Variants in BCAT1 observed in about 807,000 individuals in gnomAD.
BCAT1 encodes the protein branched chain amino acid transaminase 1, also known as branched-chain-amino-acid aminotransferase, cytosolic.
A neutral mutation model predicts 52.4 loss-of-function variants in BCAT1; 48 were observed. That is an observed-to-expected ratio of 0.92 (90% CI 0.73 to 1.16). The LOEUF (loss-of-function observed/expected upper bound fraction) is 1.16, where lower values mean the gene tolerates loss of function less well. BCAT1 is among the 50% of genes most tolerant of loss of function. BCAT1 has a pLI of 0.00. For missense variants in BCAT1, 451 were observed against 457.1 expected, an observed-to-expected ratio of 0.99 and a Z score of 0.12; for synonymous variants, 167 against 161.3, an observed-to-expected ratio of 1.04 and a Z score of -0.27.
At chr12:24,885,996 A>C (rs552422004) in intron 3 of BCAT1, among the ~76,000 whole-genome samples, 1 of 152,394 alleles carries the variant, frequency 6.6e-6, no homozygotes, top group East Asian at 1.9e-4. Context: ...GCAGATTGAC[A>C]AAACTGCCTT....
chr12:24,936,734 CACACACATACACACACACAT>C, intron 1 of BCAT1, among the ~76,000 whole-genome samples: 1 of 151,222 alleles, frequency 6.6e-6, no homozygotes, highest in Non-Finnish European at 1.5e-5. Flanking sequence ...CACACACACA[CACACACATACACACACACAT>C]ACACACACAC....
chr12:24,926,828 C>A (rs912102829), intron 1 of BCAT1, among the ~76,000 whole-genome samples: 10 of 151,828 alleles, frequency 6.6e-5, no homozygotes, highest in African/African-American at 2.2e-4. Context: ...TGCGGAAGGC[C>A]GCAGGGTCCT....
At position 24,816,932 on chromosome 12, in the gene BCAT1, T is replaced by A. The variant is rs1469987161; in HGVS notation, c.*1076A>T. ...CAAGAGGTGGAGTTCAGGTGGTAATTCGAGTGATGGGAAGTAGCCATAAAT... is the reference window on the plus strand; with the variant it reads ...CAAGAGGTGGAGTTCAGGTGGTAATACGAGTGATGGGAAGTAGCCATAAAT... On this transcript the variant is annotated 3_prime_UTR_variant, in exon 11 of 11. Coordinates refer to ENST00000261192, the MANE Select transcript of BCAT1 (RefSeq NM_005504.7). 1 of 215,460 alleles carries A rather than the reference T, an allele frequency of 4.6e-6. No individual in the cohort carries two copies. The highest frequency in any genetic ancestry group is 9.1e-6 in the Non-Finnish European group (1 of 110,406). 13.3% of individuals were successfully genotyped at this position (215,460 alleles called of 1,614,324 possible). A position where few individuals can be genotyped will look rare whatever the true frequency, so the allele number is the denominator to read the frequency against.
intron 2 of BCAT1, among the ~76,000 whole-genome samples, chr12:24,895,673 T>C (rs1373985040): frequency 6.6e-6 from 1 of 152,120 alleles, no homozygotes; most frequent in African/African-American, 2.4e-5. Context: ...TCTTTGAATA[T>C]ACAAAAAAAG....
At chr12:24,916,411 C>T (rs966241945) in intron 1 of BCAT1, among the ~76,000 whole-genome samples, 3 of 152,118 alleles carry the variant, frequency 2.0e-5, no homozygotes, top group African/African-American at 7.2e-5. Flanking sequence ...AACCTCAATC[C>T]CTCGAAGCAG....
chr12:24,865,282 G>A (rs1259975484), intron 5 of BCAT1, among the ~76,000 whole-genome samples: 1 of 152,126 alleles, frequency 6.6e-6, no homozygotes, highest in Non-Finnish European at 1.5e-5. Context: ...AACAAAAAAA[G>A]ACTTCTTTCT....
intron 6 of BCAT1, among the ~76,000 whole-genome samples, chr12:24,842,425 C>A (rs1941204394): frequency 6.6e-6 from 1 of 152,114 alleles, no homozygotes; most frequent in South Asian, 2.1e-4. Context: ...TAACTGCATT[C>A]ATTGGAGAGA....
intron 1 of BCAT1, among the ~76,000 whole-genome samples, chr12:24,939,226 G>A (rs1190266151): frequency 6.6e-6 from 1 of 152,194 alleles, no homozygotes; most frequent in Non-Finnish European, 1.5e-5. Flanking sequence ...TCAAGAGTGA[G>A]AATAATGCTT....
chr12:24,818,051 TGCAACAAAA>T lies in BCAT1; in HGVS notation c.1120-11_1120-3del. On this transcript the variant is annotated splice_region_variant and splice_polypyrimidine_tract_variant and intron_variant, in intron 10 of 10. Transcript: ENST00000261192. Reference sequence around the variant, plus strand: ...CCAGTCGCTCTCTTCTCTTCCATACTGCAACAAAAGCAAGAAAACGTGTTTCAGTACAGA... The same window carrying T: ...CCAGTCGCTCTCTTCTCTTCCATACTGCAAGAAAACGTGTTTCAGTACAGA... The T allele has an allele frequency of 6.2e-7, 1 of 1,613,012 alleles. No homozygotes were observed. The highest frequency in any genetic ancestry group is 2.2e-5 in the East Asian group (1 of 44,844).
At chr12:24,917,762 G>A (rs1943441114) in intron 1 of BCAT1, among the ~76,000 whole-genome samples, 1 of 152,160 alleles carries the variant, frequency 6.6e-6, no homozygotes, top group African/African-American at 2.4e-5. Context: ...GAAGGCAGAA[G>A]TCAGGTTAAT....
intron 10 of BCAT1, among the ~76,000 whole-genome samples, chr12:24,823,605 G>A (rs1355231316): frequency 1.3e-5 from 2 of 152,166 alleles, no homozygotes; most frequent in Non-Finnish European, 2.9e-5. Context: ...CATCATGGGA[G>A]CAAACCTCCC....
chr12:24,866,044 C>A (rs1279783870), intron 5 of BCAT1, among the ~76,000 whole-genome samples: 1 of 152,260 alleles, frequency 6.6e-6, no homozygotes, highest in African/African-American at 2.4e-5. Context: ...AAGGCCGGAG[C>A]TGGCTCCCTC....
chr12:24,836,949 AGAAAGAAAAGAG>A (rs1387512023), intron 7 of BCAT1, among the ~76,000 whole-genome samples: 1,179 of 116,658 alleles, frequency 0.01, 41 homozygotes, highest in Non-Finnish European at 0.016. Flanking sequence ...AAAGAAAGAA[AGAAAGAAAAGAG>A]AAAGAAAGAA....
At chr12:24,908,743 A>C (rs1256234285) in intron 1 of BCAT1, among the ~76,000 whole-genome samples, 1 of 152,238 alleles carries the variant, frequency 6.6e-6, no homozygotes, top group East Asian at 1.9e-4. Context: ...CCTGTCTTAA[A>C]AAAAATAATA....
At chr12:24,900,192 A>C (rs1339183635) in intron 2 of BCAT1, among the ~76,000 whole-genome samples, 1 of 152,246 alleles carries the variant, frequency 6.6e-6, no homozygotes, top group Non-Finnish European at 1.5e-5. Flanking sequence ...CTGTGAATAC[A>C]TCCACCATAA....
At chr12:24,874,139 C>A (rs1370537374) in intron 5 of BCAT1, among the ~76,000 whole-genome samples, 2 of 151,976 alleles carry the variant, frequency 1.3e-5, no homozygotes, top group Non-Finnish European at 2.9e-5. Context: ...CATGGTGAAA[C>A]CCCGTCTCTA....
intron 3 of BCAT1, among the ~76,000 whole-genome samples, chr12:24,890,334 C>T (rs1008009067): frequency 2.0e-5 from 3 of 152,130 alleles, no homozygotes; most frequent in African/African-American, 7.2e-5. Context: ...GCGACTCCAT[C>T]CTGATTAGGG....
intron 5 of BCAT1, among the ~76,000 whole-genome samples, chr12:24,870,979 C>G (rs1481587098): frequency 1.3e-5 from 2 of 151,820 alleles, no homozygotes; most frequent in Admixed American, 1.3e-4. Flanking sequence ...GCTGAGATCA[C>G]ACAACTGCAC....
At chr12:24,851,177 A>C (rs1014191308) in intron 5 of BCAT1, among the ~76,000 whole-genome samples, 6 of 152,112 alleles carry the variant, frequency 3.9e-5, no homozygotes, top group Non-Finnish European at 8.8e-5. Context: ...ACAAGGCAGG[A>C]CTCTTAGGTT....
Sources: gnomAD v4.1 joint callset for allele counts (sites outside exome capture counted in the v4.1 genomes callset) on GRCh38, gnomAD v4.1.1 for gene constraint, MANE v1.5 for transcripts, NCBI Gene and HGNC (gene_info 2026-07-23, HGNC 2026-07-21) for gene names.